The following HIPK2 variants were observed in gnomAD, a reference collection of about 807,000 sequenced individuals.
The protein encoded by HIPK2 is homeodomain-interacting protein kinase 2.
A neutral mutation model predicts 113.7 loss-of-function variants in HIPK2; 27 were observed. The ratio of observed to expected loss-of-function variants is 0.24; its 90% CI spans 0.17 to 0.33. The LOEUF is 0.33. Ranked by LOEUF, HIPK2 falls within the 10% of genes least tolerant of loss-of-function variation. HIPK2 has a pLI of 1.00. For missense variants in HIPK2, 1,257 were observed against 1,588.0 expected, an observed-to-expected ratio of 0.79 and a Z score of 3.54; for synonymous variants, 631 against 642.2, an observed-to-expected ratio of 0.98 and a Z score of 0.26.
intron 2 of HIPK2, among the ~76,000 whole-genome samples, chr7:139,653,400 C>T (rs897270673): frequency 1.4e-4 from 21 of 151,234 alleles, no homozygotes; most frequent in African/African-American, 4.1e-4. Context: ...GGACTATCAA[C>T]TGTTACAGAA....
chr7:139,744,536 C>T (rs910110912), intron 1 of HIPK2, among the ~76,000 whole-genome samples: 1 of 152,200 alleles, frequency 6.6e-6, no homozygotes, highest in Non-Finnish European at 1.5e-5. Context: ...AGCTGATGAG[C>T]TGTACACTTC....
rs563286442 is a variant in HIPK2, at chr7:139,631,135, T to G, written c.1347+30A>C. On this transcript the variant is annotated intron_variant, in intron 4 of 14. Transcript: ENST00000406875. This position sits in a 1 kb window ranked among gnomAD's most constrained non-coding sequence, Gnocchi z 4.9. The stretch of plus-strand genomic sequence containing the variant: ...CCCTCTTCCCTAAGCGCTGGGCCAC[T>G]GTGAGGAGTGGAGGAGACGCTCTTC... The G allele has an allele frequency of 1.7e-5, 27 of 1,593,372 alleles. No individual in the cohort carries two copies. In the East Asian group the frequency reaches 5.9e-4, roughly 35 times the overall value.
intron 2 of HIPK2, among the ~76,000 whole-genome samples, chr7:139,677,586 T>A (rs554140276): frequency 2.8e-4 from 43 of 152,270 alleles, no homozygotes; most frequent in South Asian, 2.5e-3. Flanking sequence ...TTATTTTTTT[T>A]AAATTATACT....
At chr7:139,709,232 A>T (rs1474414869) in intron 2 of HIPK2, among the ~76,000 whole-genome samples, 1 of 152,182 alleles carries the variant, frequency 6.6e-6, no homozygotes, top group Non-Finnish European at 1.5e-5. Flanking sequence ...AGTTCACTTC[A>T]TATCTTCAAG....
intron 2 of HIPK2, among the ~76,000 whole-genome samples, chr7:139,695,834 T>G (rs1794548381): frequency 6.6e-6 from 1 of 152,258 alleles, no homozygotes; most frequent in Admixed American, 6.5e-5. Context: ...ACAGCTTAAC[T>G]GTGATCAGAG....
intron 1 of HIPK2, among the ~76,000 whole-genome samples, chr7:139,763,786 C>T (rs926059232): frequency 1.3e-5 from 2 of 152,240 alleles, no homozygotes; most frequent in African/African-American, 4.8e-5. Flanking sequence ...GTCATGCCTG[C>T]GCATGCGCAG....
At chr7:139,695,110 G>A (rs1250883036) in intron 2 of HIPK2, among the ~76,000 whole-genome samples, 1 of 152,168 alleles carries the variant, frequency 6.6e-6, no homozygotes, top group African/African-American at 2.4e-5. Flanking sequence ...CCTGTCTGTA[G>A]CTCAGTGCAC....
intron 12 of HIPK2, among the ~76,000 whole-genome samples, chr7:139,589,075 A>G (rs533493576): frequency 7.2e-5 from 11 of 152,246 alleles, no homozygotes; most frequent in Admixed American, 1.3e-4. Flanking sequence ...CTGACTCCCA[A>G]ATGTGTCCTG....
chr7:139,576,381 C>T (rs1798491873), intron 13 of HIPK2, among the ~76,000 whole-genome samples: 1 of 152,224 alleles, frequency 6.6e-6, no homozygotes, highest in Non-Finnish European at 1.5e-5. Context: ...GCCAGCAGCT[C>T]TGGGGGGCCC....
intron 1 of HIPK2, among the ~76,000 whole-genome samples, chr7:139,727,353 G>T (rs1396863532): frequency 6.6e-6 from 1 of 152,192 alleles, no homozygotes; most frequent in African/African-American, 2.4e-5. Context: ...AGGGTCAGGA[G>T]CAGGGAAAGA....
chr7:139,724,786 G>T lies in HIPK2; in HGVS notation c.20-7771C>A, dbSNP rs189406139. ...TATGAGTGAGAACATGCGGTGTTTG[G>T]TTTTTTGTCCTTGCGATAGTCTACT... On this transcript the variant is annotated intron_variant, in intron 1 of 14. Transcript: ENST00000406875. Among the ~76,000 whole-genome samples the T allele has an allele frequency of 4.5e-3, 669 of 149,382 alleles. 2 individuals carry two copies. The highest frequency in any genetic ancestry group is 7.3e-3 in the Non-Finnish European group (496 of 67,700).
intron 2 of HIPK2, among the ~76,000 whole-genome samples, chr7:139,667,361 TA>T (rs1802084172): frequency 6.6e-6 from 1 of 152,222 alleles, no homozygotes; most frequent in African/African-American, 2.4e-5. Context: ...ATATAGCTTT[TA>T]AAAAATTAAT....
chr7:139,687,845 T>C (rs778534856), intron 2 of HIPK2, among the ~76,000 whole-genome samples: 1 of 152,130 alleles, frequency 6.6e-6, no homozygotes, highest in Non-Finnish European at 1.5e-5. Flanking sequence ...CTGGGGCAGT[T>C]TGGGGGCTGG....
At chr7:139,608,252 C>CACGT (rs142420444) in intron 9 of HIPK2, among the ~76,000 whole-genome samples, 1 of 136,964 alleles carries the variant, frequency 7.3e-6, no homozygotes, top group Non-Finnish European at 1.5e-5. Context: ...CAAAAAAATA[C>CACGT]GTGTGTGTGT....
intron 1 of HIPK2, among the ~76,000 whole-genome samples, chr7:139,736,290 G>A (rs1280138852): frequency 6.6e-6 from 1 of 152,234 alleles, no homozygotes; most frequent in Non-Finnish European, 1.5e-5. Context: ...TCAGGTGACA[G>A]GAGAATGAAG....
In HIPK2 at chr7:139,726,187, G is replaced by A. The variant is rs185990048; in HGVS notation, c.20-9172C>T. On this transcript the variant is annotated intron_variant, in intron 1 of 14. Transcript: ENST00000406875. ...AAGAGGTAACCACTGCTTATCTGAT[G>A]CATAGGGGGTCAGTGCAGAGAAGTG... is the stretch of plus-strand genomic sequence containing the variant. 2.2e-4 allele frequency among the ~76,000 whole-genome samples: 33 copies of A among 152,346 alleles called. 1 individual carries two copies. In the East Asian group the frequency reaches 5.8e-3, roughly 27 times the overall value.
intron 1 of HIPK2, among the ~76,000 whole-genome samples, chr7:139,724,485 C>T (rs1294182073): frequency 6.6e-6 from 1 of 152,050 alleles, no homozygotes; most frequent in African/African-American, 2.4e-5. Flanking sequence ...TAGTATATTC[C>T]ACCAGAGCAC....
chr7:139,726,502 T>A (rs1433079737), intron 1 of HIPK2, among the ~76,000 whole-genome samples: 1 of 151,796 alleles, frequency 6.6e-6, no homozygotes, highest in Non-Finnish European at 1.5e-5. Context: ...GAGGGGAGAA[T>A]AGAATCTGTT....
rs565824448 is a variant in HIPK2 at position 139,678,245 on chromosome 7, T to C, written c.1103+37687A>G. On this transcript the variant is annotated intron_variant, in intron 2 of 14. Coordinates refer to ENST00000406875, the MANE Select transcript of HIPK2 (RefSeq NM_022740.5). ...TTTAATTAGATCCCATTTGTCAATT[T>C]TGGCTTTTGTTGCCATTGCTTTTGG... is the stretch of plus-strand genomic sequence containing the variant. Among the ~76,000 whole-genome samples, 9 of 152,384 alleles carry C rather than the reference T, an allele frequency of 5.9e-5. No homozygotes were observed. In the South Asian group the frequency reaches 1.9e-3, roughly 32 times the overall value.
Sources: gnomAD v4.1 joint callset for allele counts (sites outside exome capture counted in the v4.1 genomes callset) on GRCh38, gnomAD v4.1.1 for gene constraint, Gnocchi (gnomAD v3.1) non-coding constraint, MANE v1.5 for transcripts, NCBI Gene and HGNC (gene_info 2026-07-23, HGNC 2026-07-21) for gene names.